TRIT1: variants seen among roughly 807,000 people sequenced by gnomAD.
TRIT1 encodes the protein tRNA dimethylallyltransferase.
In TRIT1, 43 loss-of-function variants were observed where a neutral mutation model predicts 51.2. That is an observed-to-expected ratio of 0.84 (90% CI 0.66 to 1.08). TRIT1 has a LOEUF of 1.08. TRIT1 is among the 50% of genes least tolerant of loss of function. The probability of loss-of-function intolerance (pLI) is 0.00; values close to 1 mark genes in which losing one functional copy is unlikely to be tolerated. For missense variants in TRIT1, 528 were observed against 578.4 expected (o/e 0.91, Z 0.89); for synonymous variants, 184 against 203.9 (o/e 0.90, Z 0.83).
chr1:39,843,908 C>A (rs1479330202), intron 10 of TRIT1, among the ~76,000 whole-genome samples, 193 bp downstream of exon 10: 1 of 152,222 alleles, frequency 6.6e-6, no homozygotes, highest in East Asian at 1.9e-4. Context: ...ATCTGATCTT[C>A]CTCTGAATCT....
At position 39,841,427 on chromosome 1, in the gene TRIT1, G is replaced by A. The variant is rs537752574; in HGVS notation, c.*317C>T. ...AGTCAATCCTGGTATTCACCACAAAGAAGATCCTCATGTATAAAAATGTGG... is the reference window on the plus strand; with the variant it reads ...AGTCAATCCTGGTATTCACCACAAAAAAGATCCTCATGTATAAAAATGTGG... On this transcript the variant is annotated 3_prime_UTR_variant, in exon 11 of 11. Transcript: ENST00000316891. 5.1e-6 allele frequency: 1 copy of A among 197,552 alleles called. No homozygotes were observed. Among genetic ancestry groups the A allele is most frequent in the African/African-American group, 2.3e-5 (1 of 43,118 alleles). The allele number at this position is 197,552 out of a possible 1,614,324, so 12.2% of individuals were successfully genotyped here.
intron 8 of TRIT1, among the ~76,000 whole-genome samples, chr1:39,845,152 C>T (rs1322783337): frequency 6.6e-6 from 1 of 152,222 alleles, no homozygotes; most frequent in African/African-American, 2.4e-5. Flanking sequence ...ATCATATCAA[C>T]CAATAAGCCG....
chr1:39,851,593 A>G (rs1462148640), intron 4 of TRIT1, among the ~76,000 whole-genome samples: 1 of 152,098 alleles, frequency 6.6e-6, no homozygotes, highest in Non-Finnish European at 1.5e-5. Flanking sequence ...AAAAACTTAG[A>G]TATTACAATT....
Position 39,872,780 on chromosome 1 carries a change from C to CACAG in TRIT1, c.174+10537_174+10538insCTGT, listed in dbSNP as rs796230029. Among the ~76,000 whole-genome samples, 142 of 106,160 alleles carry CACAG rather than the reference C, an allele frequency of 1.3e-3. 1 individual carries two copies. The highest frequency in any genetic ancestry group is 4.7e-3 in the African/African-American group (134 of 28,326). The allele number at this position is 106,160 out of a possible 152,430, so 69.6% of individuals were successfully genotyped here. A position where few individuals can be genotyped will look rare whatever the true frequency, so the allele number is the denominator to read the frequency against. ...ACACACACACACACACACACACACA[C>CACAG]AGAGAGAGAGAGAAAGAGAGAGAAA... On this transcript the variant is annotated intron_variant, in intron 1 of 10. Coordinates refer to ENST00000316891, the MANE Select transcript of TRIT1 (RefSeq NM_017646.6).
chr1:39,841,912 C>T lies in TRIT1; in HGVS notation c.1236G>A (p.Ala412=), dbSNP rs201731718. ...TCAAGTGGGATTTGGATTTTATGTGCGCTGATAAGACAAAATCAAACCAAA... is the reference window on the plus strand; with the variant it reads ...TCAAGTGGGATTTGGATTTTATGTGTGCTGATAAGACAAAATCAAACCAAA... ...RIIIGDREWA[A]HIKSKSHLNQ... The change falls in exon 11 of 11, where the codon GCG becomes GCA. Residue 412 remains alanine, a splice_region_variant and synonymous_variant. Coordinates refer to ENST00000316891, the MANE Select transcript of TRIT1 (RefSeq NM_017646.6). 1.4e-4 allele frequency: 227 copies of T among 1,604,860 alleles called. 1 individual carries two copies. In the Admixed American group the frequency reaches 2.9e-3, roughly 21 times the overall value.
chr1:39,861,890 C>T (rs1480240034), intron 1 of TRIT1, among the ~76,000 whole-genome samples: 1 of 149,202 alleles, frequency 6.7e-6, no homozygotes, highest in Non-Finnish European at 1.5e-5. Context: ...CACCACTGCG[C>T]TCCAGCCTGG....
chr1:39,877,042 A>C (rs1387225719), intron 1 of TRIT1, among the ~76,000 whole-genome samples: 1 of 141,804 alleles, frequency 7.1e-6, no homozygotes, highest in Non-Finnish European at 1.6e-5. Context: ...AAAAAAAAAA[A>C]AACAGGTCTT....
At chr1:39,877,727 AAAG>A (rs1450043439) in intron 1 of TRIT1, among the ~76,000 whole-genome samples, 4 of 152,218 alleles carry the variant, frequency 2.6e-5, no homozygotes, top group African/African-American at 4.8e-5. Context: ...CTCAGACTGA[AAAG>A]AAGACCTTCG....
At chr1:39,843,217 T>C (rs1043560764) in intron 10 of TRIT1, among the ~76,000 whole-genome samples, 10 of 152,164 alleles carry the variant, frequency 6.6e-5, no homozygotes, top group African/African-American at 2.4e-4. Context: ...ATTGGTTGCT[T>C]TGGGGAGAAA....
chr1:39,874,719 G>A (rs1384155443), intron 1 of TRIT1, among the ~76,000 whole-genome samples: 1 of 151,440 alleles, frequency 6.6e-6, no homozygotes, highest in African/African-American at 2.4e-5. Flanking sequence ...AGGCTGGAGT[G>A]CAATGGCGTG....
chr1:39,844,660 G>A lies in TRIT1; in HGVS notation c.1007-20C>T, dbSNP rs376204338. 4.0e-4 allele frequency: 625 copies of A among 1,567,986 alleles called. 3 individuals carry two copies. Among genetic ancestry groups the A allele is most frequent in the Admixed American group, 1.0e-4 (6 of 59,934 alleles). ...CAGGTCCTAATGATGACAAAGAAAG[G>A]TTGTGAGAGGTCAGCCTCAAACCCA... On this transcript the variant is annotated intron_variant, in intron 8 of 10. Transcript: ENST00000316891.
chr1:39,852,586 G>C, intron 4 of TRIT1, 145 bp downstream of exon 4: 4 of 940,324 alleles, frequency 4.3e-6, no homozygotes, highest in Middle Eastern at 3.5e-4. Flanking sequence ...AATAACTCAG[G>C]GCCTCCCAAC....
intron 1 of TRIT1, among the ~76,000 whole-genome samples, chr1:39,861,982 C>A (rs1038593665): frequency 2.0e-5 from 3 of 150,134 alleles, no homozygotes; most frequent in Non-Finnish European, 4.4e-5. Context: ...ACACATCCTA[C>A]AACATGGATA....
At position 39,860,964 on chromosome 1, in the gene TRIT1, GC is replaced by G. The variant is rs1339179299; in HGVS notation, c.175-3548del. Among the ~76,000 whole-genome samples the G allele has an allele frequency of 4.6e-5, 7 of 152,214 alleles. No homozygotes were observed. In the East Asian group the frequency reaches 1.2e-3, roughly 25 times the overall value. On this transcript the variant is annotated intron_variant, in intron 1 of 10. Transcript: ENST00000316891. ...GTGGTGGCGCACGCCTGTAATCTCA[GC>G]TACTCAGGGGCTGAGGCAGGAGAAT... is the stretch of plus-strand genomic sequence containing the variant.
chr1:39,861,930 A>G (rs1279377632), intron 1 of TRIT1, among the ~76,000 whole-genome samples: 1 of 151,878 alleles, frequency 6.6e-6, no homozygotes, highest in Non-Finnish European at 1.5e-5. Context: ...TCTCAAAAAA[A>G]AAAAAAAAAG....
Position 39,840,723 on chromosome 1 carries a change from T to C in TRIT1, c.*1021A>G, listed in dbSNP as rs888396259. On this transcript the variant is annotated 3_prime_UTR_variant, in exon 11 of 11. Coordinates refer to ENST00000316891, the MANE Select transcript of TRIT1 (RefSeq NM_017646.6). ...AAATAGTGGCAACGATTGCACAACA[T>C]TGTGAATGTAGTTAATGCTGCTGAA... Among the ~76,000 whole-genome samples, 9 of 152,224 alleles carry C rather than the reference T, an allele frequency of 5.9e-5. No individual in the cohort carries two copies. The highest frequency in any genetic ancestry group is 2.2e-4 in the African/African-American group (9 of 41,462).
chr1:39,872,805 AG>A (rs1643921348), intron 1 of TRIT1, among the ~76,000 whole-genome samples: 1 of 121,050 alleles, frequency 8.3e-6, no homozygotes, highest in African/African-American at 3.4e-5. Flanking sequence ...AGAGAGAGAA[AG>A]GAAGGAAGGG....
rs894415261 is a variant in TRIT1, at chr1:39,883,449, C to T, written c.43G>A (p.Gly15Arg). ...AAARAVPVGS[G>R]LRGLQRTLPL... The stretch of plus-strand genomic sequence containing the variant: ...AGGGTCCGTTGCAGGCCCCTGAGCC[C>T]ACTGCCCACGGGAACTGCTCGTGCA... Residue 15 changes from glycine (G) to arginine (R), a missense_variant, in exon 1 of 11, where the codon GGG (glycine) becomes AGG (arginine). Coordinates refer to ENST00000316891, the MANE Select transcript of TRIT1 (RefSeq NM_017646.6). 5.6e-6 allele frequency: 9 copies of T among 1,609,450 alleles called. No homozygotes were observed. The highest frequency in any genetic ancestry group is 5.1e-6 in the Non-Finnish European group (6 of 1,176,512).
intron 1 of TRIT1, among the ~76,000 whole-genome samples, chr1:39,863,417 G>T (rs1241374483): frequency 1.3e-5 from 2 of 152,070 alleles, no homozygotes; most frequent in Non-Finnish European, 2.9e-5. Flanking sequence ...CTAAAAAGGT[G>T]CCCCTGCACT....
Sources: gnomAD v4.1 joint callset for allele counts (sites outside exome capture counted in the v4.1 genomes callset) on GRCh38, gnomAD v4.1.1 for gene constraint, MANE v1.5 for transcripts, NCBI Gene and HGNC (gene_info 2026-07-23, HGNC 2026-07-21) for gene names.